Variants in CDH18 observed in about 807,000 individuals in gnomAD.
CDH18 encodes the protein cadherin-18.
In CDH18, 31 loss-of-function variants were observed where a neutral mutation model predicts 67.9. That is an observed-to-expected ratio of 0.46 (90% CI 0.34 to 0.62). CDH18 has a LOEUF of 0.62. Among genes scored for constraint, CDH18 ranks in the 20% least tolerant of loss-of-function variants. CDH18 has a pLI of 0.01. For missense variants in CDH18, 890 were observed against 975.5 expected (o/e 0.91, Z 1.17); for synonymous variants, 362 against 347.2 (o/e 1.04, Z -0.48).
At chr5:20,440,742 T>C (rs1749545087) in intron 1 of CDH18, among the ~76,000 whole-genome samples, 1 of 151,954 alleles carries the variant, frequency 6.6e-6, no homozygotes, top group Non-Finnish European at 1.5e-5. Flanking sequence ...ATTAGATAAT[T>C]TCTTTACTGA....
At chr5:20,237,583 A>G (rs1448071598) in intron 2 of CDH18, among the ~76,000 whole-genome samples, 1 of 151,956 alleles carries the variant, frequency 6.6e-6, no homozygotes, top group South Asian at 2.1e-4. Context: ...AATATGAAGC[A>G]TTTAAGGATA....
intron 2 of CDH18, among the ~76,000 whole-genome samples, chr5:19,974,924 T>C (rs1425681737): frequency 1.3e-5 from 2 of 152,096 alleles, no homozygotes; most frequent in African/African-American, 4.8e-5. Flanking sequence ...TTTAAGTAAG[T>C]GTGTCCCGTA....
chr5:20,495,397 G>C (rs1319374357), intron 1 of CDH18, among the ~76,000 whole-genome samples: 1 of 151,862 alleles, frequency 6.6e-6, no homozygotes, highest in Non-Finnish European at 1.5e-5. Context: ...CAACAAAAAA[G>C]AATGCTTAAA....
chr5:19,761,712 G>A (rs1257938855), intron 3 of CDH18, among the ~76,000 whole-genome samples: 1 of 152,126 alleles, frequency 6.6e-6, no homozygotes, highest in Non-Finnish European at 1.5e-5. Flanking sequence ...AGCTACCAAT[G>A]ACTTTCTTCA....
intron 2 of CDH18, among the ~76,000 whole-genome samples, chr5:19,966,431 G>T (rs1440860051): frequency 6.6e-6 from 1 of 152,040 alleles, no homozygotes; most frequent in Non-Finnish European, 1.5e-5. Context: ...CACATTCAAT[G>T]TTATATCAGC....
intron 2 of CDH18, among the ~76,000 whole-genome samples, chr5:19,923,416 A>T (rs1792729643): frequency 6.6e-6 from 1 of 152,216 alleles, no homozygotes; most frequent in African/African-American, 2.4e-5. Flanking sequence ...GATACCGGTA[A>T]GTATGGAGTG....
chr5:19,895,989 C>T (rs148747526), intron 2 of CDH18, among the ~76,000 whole-genome samples: 132 of 149,722 alleles, frequency 8.8e-4, no homozygotes, highest in Non-Finnish European at 1.6e-3. Context: ...ATGCTTCAAT[C>T]TCTGCAACCT....
chr5:20,047,580 C>G (rs778352280), intron 2 of CDH18, among the ~76,000 whole-genome samples: 3 of 151,766 alleles, frequency 2.0e-5, no homozygotes, highest in African/African-American at 7.2e-5. Context: ...AGAACTATAA[C>G]ACTCAAATGA....
Position 20,310,049 on chromosome 5 carries a change from C to T in CDH18, c.-579-54544G>A, listed in dbSNP as rs140722718. ...TGGCACAGTGAAAGGAATATGGGTT[C>T]TGAAGCCAAAAAAACCTAGTTGTGA... On this transcript the variant is annotated intron_variant, in intron 1 of 14. Coordinates refer to the CDH18 transcript ENST00000507958. 7.0e-3 allele frequency among the ~76,000 whole-genome samples: 1,063 copies of T among 152,122 alleles called. 17 individuals are homozygous for T. The highest frequency in any genetic ancestry group is 0.024 in the African/African-American group (1,014 of 41,534).
rs1750938141 is a variant in CDH18, at chr5:20,149,566, A to AC, written c.-518+105877dup. Among the ~76,000 whole-genome samples, 4 of 152,252 alleles carry AC rather than the reference A, an allele frequency of 2.6e-5. No homozygotes were observed. In the South Asian group the frequency reaches 8.3e-4, roughly 32 times the overall value. The stretch of plus-strand genomic sequence containing the variant: ...TAAAGTCTAGGAATGGAAATAAAAA[A>AC]CAAAGCAAGGGTTTCCTACTGGAAC... On this transcript the variant is annotated intron_variant, in intron 2 of 14. Coordinates refer to the CDH18 transcript ENST00000507958.
chr5:19,920,421 A>G (rs533968795), intron 2 of CDH18, among the ~76,000 whole-genome samples: 60 of 151,946 alleles, frequency 3.9e-4, no homozygotes, highest in African/African-American at 1.3e-3. Flanking sequence ...ACTACCATCA[A>G]TTCCTTTAGA....
At chr5:19,904,035 A>G (rs1360910098) in intron 2 of CDH18, among the ~76,000 whole-genome samples, 1 of 151,944 alleles carries the variant, frequency 6.6e-6, no homozygotes, top group Non-Finnish European at 1.5e-5. Context: ...GCACTTTGGG[A>G]GGCCGAGGCA....
At chr5:19,758,755 T>C (rs1771962485) in intron 3 of CDH18, among the ~76,000 whole-genome samples, 1 of 152,202 alleles carries the variant, frequency 6.6e-6, no homozygotes, top group African/African-American at 2.4e-5. Context: ...ACTGGAACCC[T>C]AGAAATTTTA....
intron 4 of CDH18, among the ~76,000 whole-genome samples, chr5:19,744,820 T>G (rs1769762231): frequency 6.6e-6 from 1 of 152,334 alleles, no homozygotes; most frequent in African/African-American, 2.4e-5. Flanking sequence ...TTCATTTTTA[T>G]TCACACCTAA....
intron 1 of CDH18, among the ~76,000 whole-genome samples, chr5:20,524,394 T>C (rs1021545554): frequency 2.0e-5 from 3 of 152,224 alleles, no homozygotes; most frequent in African/African-American, 4.8e-5. Context: ...AATGTTTGTT[T>C]AGTCAATTTG....
At chr5:19,769,195 A>G (rs1348512316) in intron 3 of CDH18, among the ~76,000 whole-genome samples, 1 of 152,132 alleles carries the variant, frequency 6.6e-6, no homozygotes, top group Non-Finnish European at 1.5e-5. Flanking sequence ...CCATAAATCT[A>G]CATTCCAGTA....
chr5:19,990,360 C>T (rs929562320), upstream of CDH18, among the ~76,000 whole-genome samples: 4 of 152,178 alleles, frequency 2.6e-5, no homozygotes. Context: ...AAGCAATGAG[C>T]ATCTTAGGGA....
At chr5:20,171,475 A>AT (rs905302263) in intron 2 of CDH18, among the ~76,000 whole-genome samples, 33 of 149,372 alleles carry the variant, frequency 2.2e-4, no homozygotes, top group Middle Eastern at 3.4e-3. Flanking sequence ...TGACATTGAG[A>AT]TTTTTTTTTT....
At chr5:20,263,209 A>G (rs1744793102) in intron 1 of CDH18, among the ~76,000 whole-genome samples, 1 of 152,284 alleles carries the variant, frequency 6.6e-6, no homozygotes, top group South Asian at 2.1e-4. Context: ...AGCCAAGTAC[A>G]TGTGTGGCAC....
Sources: allele counts gnomAD v4.1 joint callset (sites outside exome capture counted in the v4.1 genomes callset), GRCh38; gene constraint gnomAD v4.1.1; transcripts MANE v1.5; gene names NCBI Gene and HGNC (gene_info 2026-07-23, HGNC 2026-07-21).